RBFOX1: variants seen among roughly 807,000 people sequenced by gnomAD.
The protein encoded by RBFOX1 is RNA binding fox-1 homolog 1, also known as RNA binding protein fox-1 homolog 1.
In RBFOX1, 8 loss-of-function variants were observed where a neutral mutation model predicts 57.7. The observed-to-expected ratio is 0.14, with a 90% CI of 0.08 to 0.25. The LOEUF (loss-of-function observed/expected upper bound fraction) is 0.25, where lower values mean the gene tolerates loss of function less well. Ranked by LOEUF, RBFOX1 falls within the 10% of genes least tolerant of loss-of-function variation. The probability of loss-of-function intolerance (pLI) is 1.00; values close to 1 mark genes in which losing one functional copy is unlikely to be tolerated. For synonymous variants in RBFOX1, 326 were observed against 222.4 expected (o/e 1.47, Z -4.15); for missense variants, 611 against 548.5 (o/e 1.11, Z -1.14).
intron 4 of RBFOX1, among the ~76,000 whole-genome samples, chr16:7,471,509 G>A (rs972584076): frequency 6.6e-6 from 1 of 152,092 alleles, no homozygotes; most frequent in African/African-American, 2.4e-5. Context: ...AAAGACATAA[G>A]GTTGGAGCAC....
chr16:6,687,354 G>T (rs1043434694), intron 3 of RBFOX1, among the ~76,000 whole-genome samples: 28 of 152,100 alleles, frequency 1.8e-4, no homozygotes, highest in African/African-American at 6.8e-4. Flanking sequence ...CTACTTGCGT[G>T]ACAGGTTTAC....
chr16:7,015,486 A>T (rs1307425057), intron 3 of RBFOX1, among the ~76,000 whole-genome samples: 2 of 152,166 alleles, frequency 1.3e-5, no homozygotes, highest in Non-Finnish European at 2.9e-5. Context: ...GTTCAGACAG[A>T]GGCTGGGGAG....
At chr16:5,858,345 C>T (rs1207747911) in intron 3 of RBFOX1, among the ~76,000 whole-genome samples, 1 of 152,166 alleles carries the variant, frequency 6.6e-6, no homozygotes, top group Non-Finnish European at 1.5e-5. Context: ...TGTTTTCTAC[C>T]ATGTGTCAGG....
chr16:5,626,078 C>G (rs1415231254), intron 3 of RBFOX1, among the ~76,000 whole-genome samples: 1 of 151,682 alleles, frequency 6.6e-6, no homozygotes, highest in Non-Finnish European at 1.5e-5. Context: ...ACGGGTTTCT[C>G]CATGTTGGTC....
chr16:5,647,472 C>G (rs539038790), intron 3 of RBFOX1, among the ~76,000 whole-genome samples: 1 of 152,122 alleles, frequency 6.6e-6, no homozygotes, highest in Non-Finnish European at 1.5e-5. Flanking sequence ...GTCCACTTCA[C>G]GGGGTTATTG....
intron 3 of RBFOX1, among the ~76,000 whole-genome samples, chr16:6,662,127 G>A (rs1249571503): frequency 1.4e-5 from 1 of 69,832 alleles, no homozygotes; most frequent in Non-Finnish European, 3.3e-5. Flanking sequence ...GCCGAGGGCT[G>A]GGGGCGGGGT....
chr16:5,436,127 T>A (rs1474526078), intron 1 of RBFOX1, among the ~76,000 whole-genome samples: 1 of 152,218 alleles, frequency 6.6e-6, no homozygotes, highest in East Asian at 1.9e-4. Flanking sequence ...AGAGTCATTA[T>A]GGCACAAGGA....
At chr16:6,683,177 C>T (rs2058927765) in intron 3 of RBFOX1, among the ~76,000 whole-genome samples, 1 of 152,224 alleles carries the variant, frequency 6.6e-6, no homozygotes, top group African/African-American at 2.4e-5. Flanking sequence ...AGAGGACTTA[C>T]ATTAAATTGT....
At chr16:6,134,392 C>T (rs1369147852) in intron 1 of RBFOX1, among the ~76,000 whole-genome samples, 1 of 152,218 alleles carries the variant, frequency 6.6e-6, no homozygotes, top group Non-Finnish European at 1.5e-5. Context: ...GAACCGATTA[C>T]AGGATCTGAT....
Position 5,670,767 on chromosome 16 carries a change from C to G in RBFOX1, c.318+71806C>G, listed in dbSNP as rs550559798. Among the ~76,000 whole-genome samples, 7 of 152,336 alleles carry G rather than the reference C, an allele frequency of 4.6e-5. No homozygotes were observed. In the South Asian group the frequency reaches 1.4e-3, roughly 32 times the overall value. ...CTGCAGGTTTTCTTAGACCTGTCAA[C>G]AAACTTGGAAGTGTATCAACCATAA... On this transcript the variant is annotated intron_variant, in intron 3 of 19. Coordinates refer to the RBFOX1 transcript ENST00000641259.
intron 4 of RBFOX1, among the ~76,000 whole-genome samples, chr16:7,136,356 T>C (rs1323967443): frequency 6.6e-6 from 1 of 151,972 alleles, no homozygotes; most frequent in Non-Finnish European, 1.5e-5. Context: ...AGCTGTCATA[T>C]TGGAGCCAAT....
At chr16:7,501,830 T>A (rs780212448) in intron 4 of RBFOX1, among the ~76,000 whole-genome samples, 14 of 152,194 alleles carry the variant, frequency 9.2e-5, no homozygotes, top group Non-Finnish European at 1.8e-4. Flanking sequence ...CATACCCTAT[T>A]GCACTGTAAA....
chr16:6,548,850 T>G (rs995454242), intron 2 of RBFOX1, among the ~76,000 whole-genome samples: 1 of 151,806 alleles, frequency 6.6e-6, no homozygotes. Context: ...CCAAGGTGTG[T>G]GGATCACTTG....
At chr16:6,970,718 A>C (rs2085348014) in intron 3 of RBFOX1, among the ~76,000 whole-genome samples, 1 of 152,208 alleles carries the variant, frequency 6.6e-6, no homozygotes, top group Non-Finnish European at 1.5e-5. Flanking sequence ...GTTGGATATT[A>C]GATTTCACCA....
Position 6,091,530 on chromosome 16 carries a change from A to AG in RBFOX1, c.-127+71538_-127+71539insG, listed in dbSNP as rs140700026. On this transcript the variant is annotated intron_variant, in intron 1 of 15. Coordinates refer to ENST00000550418, the MANE Select transcript of RBFOX1 (RefSeq NM_018723.4). ...TCAACTGACTACATGGTAGGTATTCAAAAAAAACATTTGTTGAGGCCGAGT... is the reference window on the plus strand; with the variant it reads ...TCAACTGACTACATGGTAGGTATTCAGAAAAAAACATTTGTTGAGGCCGAGT... 2.0e-3 allele frequency among the ~76,000 whole-genome samples: 57 copies of AG among 29,168 alleles called. No homozygotes were observed. The East Asian group carries it at 0.065, about 33-fold the overall frequency. 19.1% of individuals were successfully genotyped at this position (29,168 alleles called of 152,430 possible).
rs144966669 is a variant in RBFOX1 at position 5,746,751 on chromosome 16, G to A, written c.319-120552G>A. ...TTTGGCTCTCTGTTTGTCTGCTACT[G>A]GTGTATAAGAATGCTTGTGATTTTT... On this transcript the variant is annotated intron_variant, in intron 3 of 19. Coordinates refer to the RBFOX1 transcript ENST00000641259. Among the ~76,000 whole-genome samples, 699 of 152,250 alleles carry A rather than the reference G, an allele frequency of 4.6e-3. 6 individuals carry two copies. The highest frequency in any genetic ancestry group is 0.016 in the African/African-American group (660 of 41,546).
intron 4 of RBFOX1, among the ~76,000 whole-genome samples, chr16:7,152,430 A>G (rs1052987118): frequency 4.6e-5 from 7 of 152,234 alleles, no homozygotes; most frequent in Admixed American, 6.5e-5. Flanking sequence ...AGAAATTGCC[A>G]TCAATTGTTA....
chr16:6,432,053 C>G lies in RBFOX1; in HGVS notation c.-64+114996C>G, dbSNP rs1597159453. Reference sequence around the variant, plus strand: ...TATAGCTTATTGTAGCCTCTAACTCCTGAGTTCAACGGAACCTCCTGCCAC... The same window carrying G: ...TATAGCTTATTGTAGCCTCTAACTCGTGAGTTCAACGGAACCTCCTGCCAC... On this transcript the variant is annotated intron_variant, in intron 2 of 15. Coordinates refer to ENST00000550418, the MANE Select transcript of RBFOX1 (RefSeq NM_018723.4). Among the ~76,000 whole-genome samples the G allele has an allele frequency of 3.3e-5, 5 of 152,000 alleles. No individual in the cohort carries two copies. In the South Asian group the frequency reaches 1.0e-3, roughly 32 times the overall value.
chr16:6,993,154 T>G (rs1025551242), intron 3 of RBFOX1, among the ~76,000 whole-genome samples: 1 of 152,188 alleles, frequency 6.6e-6, no homozygotes, highest in African/African-American at 2.4e-5. Context: ...ACACTGACTT[T>G]CTTTTCTTTG....
Sources: gnomAD v4.1 joint callset for allele counts (sites outside exome capture counted in the v4.1 genomes callset) on GRCh38, gnomAD v4.1.1 for gene constraint, MANE v1.5 for transcripts, NCBI Gene and HGNC (gene_info 2026-07-23, HGNC 2026-07-21) for gene names.